Variants in SLC25A21 observed in about 807,000 individuals in gnomAD.
The protein encoded by SLC25A21 is solute carrier family 25 member 21.
In SLC25A21, 47 loss-of-function variants were observed where a neutral mutation model predicts 43.8. The ratio of observed to expected loss-of-function variants is 1.07; its 90% CI spans 0.85 to 1.37. The LOEUF (loss-of-function observed/expected upper bound fraction) is 1.37. Among genes scored for constraint, SLC25A21 ranks in the 40% most tolerant of loss-of-function variants. The probability of loss-of-function intolerance (pLI) is 0.00; values close to 1 mark genes in which losing one functional copy is unlikely to be tolerated. For missense variants in SLC25A21, 352 were observed against 350.2 expected, an observed-to-expected ratio of 1.00 and a Z score of -0.04; for synonymous variants, 131 against 121.3, an observed-to-expected ratio of 1.08 and a Z score of -0.52.
chr14:37,067,600 T>G (rs531534836), intron 1 of SLC25A21, among the ~76,000 whole-genome samples: 70 of 152,040 alleles, frequency 4.6e-4, no homozygotes, highest in Admixed American at 9.8e-4. Context: ...ATGCAAGAAG[T>G]AATGACAAGC....
intron 1 of SLC25A21, among the ~76,000 whole-genome samples, chr14:37,062,471 A>T (rs1961969135): frequency 6.6e-6 from 1 of 152,150 alleles, no homozygotes; most frequent in Non-Finnish European, 1.5e-5. Context: ...TTTTTTTTAA[A>T]AAAAGAACTC....
intron 3 of SLC25A21, among the ~76,000 whole-genome samples, chr14:36,812,916 TTGTAAGAA>T: frequency 6.6e-6 from 1 of 152,138 alleles, no homozygotes; most frequent in Non-Finnish European, 1.5e-5. Flanking sequence ...CATCATAAAG[TTGTAAGAA>T]GAATCCCTAC....
chr14:36,725,424 G>C, intron 6 of SLC25A21, 146 bp downstream of exon 6: 1 of 271,544 alleles, frequency 3.7e-6, no homozygotes. Context: ...GCGGTGAGCC[G>C]AGATTGCGCC....
At chr14:37,006,067 G>T (rs374753667) in intron 1 of SLC25A21, among the ~76,000 whole-genome samples, 6 of 152,158 alleles carry the variant, frequency 3.9e-5, no homozygotes, top group Admixed American at 3.9e-4. Context: ...AAGTTTAGAT[G>T]TGACAAGGCA....
In SLC25A21 at chr14:37,143,589, C is replaced by CGTGTGTGTGTGTGT. The variant is rs10531936; in HGVS notation, c.70+28678_70+28691dup. ...GCATTTTAATGTGTCTGTTCATTAG[C>CGTGTGTGTGTGTGT]GTGTGTGTGTGTGTGTGTGTGTGTG... is the stretch of plus-strand genomic sequence containing the variant. On this transcript the variant is annotated intron_variant, in intron 1 of 9. Coordinates refer to ENST00000331299, the MANE Select transcript of SLC25A21 (RefSeq NM_030631.4). Among the ~76,000 whole-genome samples the CGTGTGTGTGTGTGT allele has an allele frequency of 2.5e-3, 373 of 148,646 alleles. 1 individual carries two copies. Among genetic ancestry groups the CGTGTGTGTGTGTGT allele is most frequent in the African/African-American group, 7.1e-3 (288 of 40,464 alleles).
intron 1 of SLC25A21, among the ~76,000 whole-genome samples, chr14:36,904,700 G>GT (rs1891487868): frequency 1.3e-5 from 2 of 152,208 alleles, no homozygotes; most frequent in Admixed American, 6.5e-5. Context: ...AAGAGAGAGT[G>GT]TGAGTGTGTG....
intron 7 of SLC25A21, among the ~76,000 whole-genome samples, chr14:36,691,996 G>T (rs1882813885): frequency 6.6e-6 from 1 of 152,168 alleles, no homozygotes; most frequent in African/African-American, 2.4e-5. Flanking sequence ...ACATTTTAAG[G>T]CTGAAATTAA....
chr14:36,852,346 T>C (rs1042467998), intron 2 of SLC25A21, among the ~76,000 whole-genome samples: 2 of 152,156 alleles, frequency 1.3e-5, no homozygotes, highest in Admixed American at 1.3e-4. Flanking sequence ...ACTATACCAT[T>C]GCTATTTGGG....
chr14:36,918,869 T>G (rs936274258), intron 1 of SLC25A21, among the ~76,000 whole-genome samples: 2 of 152,114 alleles, frequency 1.3e-5, no homozygotes, highest in African/African-American at 2.4e-5. Context: ...AAAGATCCTT[T>G]TAAGTGTAAG....
At chr14:36,841,865 C>T (rs1889396033) in intron 2 of SLC25A21, among the ~76,000 whole-genome samples, 1 of 152,216 alleles carries the variant, frequency 6.6e-6, no homozygotes, top group Non-Finnish European at 1.5e-5. Flanking sequence ...TGCAGACTAC[C>T]CTGCTCATTT....
Position 36,924,882 on chromosome 14 carries a change from T to C in SLC25A21, c.71-49878A>G, listed in dbSNP as rs111403266. ...TAGGTTATATGCAAATACTATGCTA[T>C]TTTATATAAGGGACTTGAGCATCTG... On this transcript the variant is annotated intron_variant, in intron 1 of 9. Coordinates refer to ENST00000331299, the MANE Select transcript of SLC25A21 (RefSeq NM_030631.4). 2.4e-3 allele frequency among the ~76,000 whole-genome samples: 366 copies of C among 152,228 alleles called. 4 individuals are homozygous for C. Among genetic ancestry groups the C allele is most frequent in the African/African-American group, 8.2e-3 (342 of 41,548 alleles).
chr14:36,930,189 C>A (rs542417990), intron 1 of SLC25A21, among the ~76,000 whole-genome samples: 77 of 152,230 alleles, frequency 5.1e-4, no homozygotes, highest in Non-Finnish European at 9.1e-4. Flanking sequence ...AGCCTATTAA[C>A]CCCAGAACTA....
At chr14:36,907,241 G>T (rs1379245151) in intron 1 of SLC25A21, among the ~76,000 whole-genome samples, 2 of 152,084 alleles carry the variant, frequency 1.3e-5, no homozygotes, top group Non-Finnish European at 2.9e-5. Flanking sequence ...TTGAACATAA[G>T]TTCAACTTTA....
chr14:36,776,952 CCT>C, intron 3 of SLC25A21, among the ~76,000 whole-genome samples: 1 of 152,250 alleles, frequency 6.6e-6, no homozygotes. Flanking sequence ...CCAATTATCC[CCT>C]TTCTCACATA....
intron 1 of SLC25A21, among the ~76,000 whole-genome samples, chr14:37,037,915 T>C (rs1004673055): frequency 1.3e-5 from 2 of 152,204 alleles, no homozygotes; most frequent in East Asian, 3.9e-4. Flanking sequence ...GGGAAAATGG[T>C]TCTGTATGCT....
At chr14:37,154,802 C>T (rs994052106) in intron 1 of SLC25A21, among the ~76,000 whole-genome samples, 41 of 151,810 alleles carry the variant, frequency 2.7e-4, no homozygotes, top group African/African-American at 9.4e-4. Flanking sequence ...ACCACCACAC[C>T]CAGCTAATTT....
At chr14:37,069,034 G>A (rs1051479285) in intron 1 of SLC25A21, among the ~76,000 whole-genome samples, 3 of 151,972 alleles carry the variant, frequency 2.0e-5, no homozygotes, top group South Asian at 2.1e-4. Flanking sequence ...AAAATTAGCC[G>A]GGCATGGTGG....
rs1890900177 is a variant in SLC25A21, at chr14:36,885,956, A to C, written c.71-10952T>G. On this transcript the variant is annotated intron_variant, in intron 1 of 9. Transcript: ENST00000331299. ...GTTCTCTGAAGTTCACACTGTTTTA[A>C]CCATTTACTTAACTGATTTTGTGTA... Among the ~76,000 whole-genome samples the C allele has an allele frequency of 2.0e-5, 3 of 152,180 alleles. No homozygotes were observed. The South Asian group carries it at 6.2e-4, about 31-fold the overall frequency.
rs571129543 is a variant in SLC25A21, at chr14:36,821,917, G to A, written c.120-7916C>T. On this transcript the variant is annotated intron_variant, in intron 2 of 9. Coordinates refer to ENST00000331299, the MANE Select transcript of SLC25A21 (RefSeq NM_030631.4). The stretch of plus-strand genomic sequence containing the variant: ...CTTAGCACTGACTGAGCTCAACAGG[G>A]CCTCTAATCATGTTCGAAGGGTGTG... 3.9e-5 allele frequency among the ~76,000 whole-genome samples: 6 copies of A among 152,264 alleles called. No homozygotes were observed. In the South Asian group the frequency reaches 1.2e-3, roughly 32 times the overall value.
Sources: allele counts gnomAD v4.1 joint callset (sites outside exome capture counted in the v4.1 genomes callset), GRCh38; gene constraint gnomAD v4.1.1; transcripts MANE v1.5; gene names NCBI Gene and HGNC (gene_info 2026-07-23, HGNC 2026-07-21).